Variants in MICU1 observed in about 807,000 individuals in gnomAD.
MICU1 encodes the protein calcium uptake protein 1, mitochondrial.
MICU1 carries 45 observed loss-of-function variants against 56.8 expected under a neutral mutation model. The ratio of observed to expected loss-of-function variants is 0.79; its 90% CI spans 0.62 to 1.02. The LOEUF is 1.02. MICU1 is among the 50% of genes least tolerant of loss of function. MICU1 has a pLI of 0.00. For synonymous variants in MICU1, 186 were observed against 195.1 expected, an observed-to-expected ratio of 0.95 and a Z score of 0.39; for missense variants, 504 against 587.1, an observed-to-expected ratio of 0.86 and a Z score of 1.46.
intron 10 of MICU1, among the ~76,000 whole-genome samples, chr10:72,401,290 G>A (rs572060410): frequency 6.6e-6 from 1 of 152,278 alleles, no homozygotes; most frequent in South Asian, 2.1e-4. Flanking sequence ...TATATTTAAA[G>A]TATACAATGT....
intron 4 of MICU1, among the ~76,000 whole-genome samples, chr10:72,536,854 C>T (rs1839650272): frequency 6.6e-6 from 1 of 152,072 alleles, no homozygotes; most frequent in Non-Finnish European, 1.5e-5. Flanking sequence ...CTCAGACTTG[C>T]CACATTTCAA....
intron 1 of MICU1, among the ~76,000 whole-genome samples, chr10:72,602,287 C>T (rs935820219): frequency 2.0e-5 from 3 of 151,060 alleles, no homozygotes; most frequent in Admixed American, 2.0e-4. Flanking sequence ...CCCATCTCTA[C>T]TAAAAATACA....
chr10:72,419,966 CTTTT>C (rs770049067), intron 9 of MICU1, among the ~76,000 whole-genome samples: 5 of 152,292 alleles, frequency 3.3e-5, no homozygotes, highest in Non-Finnish European at 5.9e-5. Flanking sequence ...ATGTGCTGTT[CTTTT>C]GATAGTAAGT....
chr10:72,399,188 C>G (rs559216721), intron 10 of MICU1, among the ~76,000 whole-genome samples: 1 of 152,096 alleles, frequency 6.6e-6, no homozygotes, highest in East Asian at 1.9e-4. Context: ...TGGAAACCAT[C>G]ATTCTGAGCA....
At chr10:72,403,314 C>T (rs547684071) in intron 10 of MICU1, among the ~76,000 whole-genome samples, 9 of 151,912 alleles carry the variant, frequency 5.9e-5, no homozygotes, top group African/African-American at 1.9e-4. Context: ...GCCGAGATCA[C>T]GCCACTGCAC....
intron 3 of MICU1, among the ~76,000 whole-genome samples, chr10:72,557,863 G>A (rs954352828): frequency 1.3e-5 from 2 of 152,064 alleles, no homozygotes; most frequent in African/African-American, 2.4e-5. Flanking sequence ...AAACTGAGTC[G>A]AGTGTCCAGC....
At chr10:72,391,235 C>T (rs1863059562) in intron 10 of MICU1, among the ~76,000 whole-genome samples, 1 of 152,234 alleles carries the variant, frequency 6.6e-6, no homozygotes, top group African/African-American at 2.4e-5. Flanking sequence ...AGTTCAAGAC[C>T]AGCCTGGCCA....
intron 11 of MICU1, among the ~76,000 whole-genome samples, chr10:72,369,670 A>G (rs1589143105): frequency 6.6e-6 from 1 of 151,814 alleles, no homozygotes. Context: ...GAGGGCTGGA[A>G]GAAACTTTGG....
chr10:72,503,487 G>A (rs1867142339), intron 6 of MICU1, among the ~76,000 whole-genome samples: 2 of 152,250 alleles, frequency 1.3e-5, no homozygotes, highest in Non-Finnish European at 2.9e-5. Context: ...GGTCAGGAAT[G>A]TTGCTAAATA....
At chr10:72,589,551 CA>C (rs997016661) in intron 1 of MICU1, among the ~76,000 whole-genome samples, 4 of 151,338 alleles carry the variant, frequency 2.6e-5, no homozygotes, top group African/African-American at 9.7e-5. Flanking sequence ...GAAAAACAAA[CA>C]TGGAAAAATA....
rs138533112 is a variant in MICU1 at position 72,577,681 on chromosome 10, T to C, written c.-1-10887A>G. On this transcript the variant is annotated intron_variant, in intron 1 of 11. Coordinates refer to ENST00000361114, the MANE Select transcript of MICU1 (RefSeq NM_001195518.2). ...ATTCAAAAGTTGCAAGTTTCAGTCC[T>C]GCTAGCGTCAAAAAAATTGTTTTTG... Among the ~76,000 whole-genome samples the C allele has an allele frequency of 3.2e-3, 485 of 152,278 alleles. 1 individual carries two copies. The highest frequency in any genetic ancestry group is 5.7e-3 in the Non-Finnish European group (385 of 68,018).
chr10:72,462,662 T>C (rs1472872974), intron 8 of MICU1, among the ~76,000 whole-genome samples: 4 of 152,234 alleles, frequency 2.6e-5, no homozygotes, highest in African/African-American at 7.2e-5. Flanking sequence ...ATTACCTTTC[T>C]GTGGTACCTT....
intron 7 of MICU1, 80 bp from the exon 8 acceptor site, chr10:72,475,377 T>C: frequency 8.0e-7 from 1 of 1,251,904 alleles, no homozygotes; most frequent in East Asian, 2.5e-5. Flanking sequence ...GAATCATAAC[T>C]ATTGTTTACT....
chr10:72,498,096 A>G (rs187850465), intron 6 of MICU1, among the ~76,000 whole-genome samples: 33 of 152,346 alleles, frequency 2.2e-4, no homozygotes, highest in African/African-American at 7.2e-4. Flanking sequence ...CATTGCTTTT[A>G]AATTATGACA....
chr10:72,559,458 T>G (rs1394152284), intron 3 of MICU1, among the ~76,000 whole-genome samples: 1 of 151,750 alleles, frequency 6.6e-6, no homozygotes, highest in African/African-American at 2.4e-5. Flanking sequence ...AAAAACATAT[T>G]ACTCTATTTT....
intron 8 of MICU1, among the ~76,000 whole-genome samples, chr10:72,458,204 T>C (rs998369308): frequency 6.6e-6 from 1 of 151,610 alleles, no homozygotes; most frequent in African/African-American, 2.4e-5. Flanking sequence ...CATTTCTATA[T>C]TGGAAAGAAA....
At chr10:72,400,583 T>C (rs188022108) in intron 10 of MICU1, among the ~76,000 whole-genome samples, 412 of 151,930 alleles carry the variant, frequency 2.7e-3, no homozygotes, top group Admixed American at 7.4e-3. Context: ...CCAACTCTAC[T>C]AAAAATACAA....
chr10:72,625,213 T>C (rs550830692), intron 1 of MICU1, among the ~76,000 whole-genome samples: 17 of 152,184 alleles, frequency 1.1e-4, no homozygotes, highest in African/African-American at 3.9e-4. Flanking sequence ...ACAGGAAAAA[T>C]AAAATATTTT....
intron 10 of MICU1, among the ~76,000 whole-genome samples, chr10:72,378,196 T>A (rs1564835932): frequency 6.6e-6 from 1 of 152,166 alleles, no homozygotes; most frequent in Non-Finnish European, 1.5e-5. Context: ...GAGGTTGCAG[T>A]GAGCCAAGAC....
Sources: gnomAD v4.1 joint callset for allele counts (sites outside exome capture counted in the v4.1 genomes callset) on GRCh38, gnomAD v4.1.1 for gene constraint, MANE v1.5 for transcripts, NCBI Gene and HGNC (gene_info 2026-07-23, HGNC 2026-07-21) for gene names.